The following SEL1L variants were observed in gnomAD, a reference collection of about 807,000 sequenced individuals.
SEL1L encodes the protein SEL1L adaptor subunit of SYVN1 ubiquitin ligase.
In SEL1L, 52 loss-of-function variants were observed where a neutral mutation model predicts 109.8. That is an observed-to-expected ratio of 0.47 (90% CI 0.38 to 0.60). SEL1L has a LOEUF of 0.60. Among genes scored for constraint, SEL1L ranks in the 20% least tolerant of loss-of-function variants. The pLI is 0.00. For synonymous variants in SEL1L, 373 were observed against 339.6 expected, an observed-to-expected ratio of 1.10 and a Z score of -1.08; for missense variants, 749 against 962.2, an observed-to-expected ratio of 0.78 and a Z score of 2.93.
intron 4 of SEL1L, 152 bp downstream of exon 4, chr14:81,505,922 C>A (rs539777205): frequency 1.6e-4 from 96 of 613,296 alleles, no homozygotes; most frequent in South Asian, 1.0e-3. Context: ...CCAAGTTTCC[C>A]ACTCTTAAGT....
intron 3 of SEL1L, among the ~76,000 whole-genome samples, chr14:81,523,772 G>C (rs1355279235): frequency 6.6e-6 from 1 of 151,836 alleles, no homozygotes; most frequent in Admixed American, 6.6e-5. Flanking sequence ...ACATCCTGCT[G>C]GTCTCTGATG....
At chr14:81,510,514 C>CTA (rs1555346599) in intron 3 of SEL1L, among the ~76,000 whole-genome samples, 1,277 of 103,880 alleles carry the variant, frequency 0.012, 16 homozygotes, top group Middle Eastern at 0.03. Context: ...CTCTCTCTCT[C>CTA]TATATATATA....
intron 3 of SEL1L, among the ~76,000 whole-genome samples, chr14:81,516,315 A>C (rs59864626): frequency 1.4e-3 from 210 of 152,292 alleles, no homozygotes; most frequent in African/African-American, 4.9e-3. Flanking sequence ...AACTGTCCTC[A>C]AGGACCGTTA....
chr14:81,526,122 A>C (rs1885102677), intron 3 of SEL1L, among the ~76,000 whole-genome samples: 1 of 152,204 alleles, frequency 6.6e-6, no homozygotes, highest in Non-Finnish European at 1.5e-5. Context: ...AATAAATGAC[A>C]GAAGGGCAAC....
chr14:81,482,722 G>C (rs1004807830), intron 19 of SEL1L, among the ~76,000 whole-genome samples: 5 of 152,086 alleles, frequency 3.3e-5, no homozygotes, highest in Non-Finnish European at 7.3e-5. Context: ...AAGTATTAAG[G>C]TAAGTTTAAA....
chr14:81,472,135 A>T lies in SEL1L; in HGVS notation c.*4837T>A, dbSNP rs1903029355. On this transcript the variant is annotated 3_prime_UTR_variant, in exon 21 of 21. Transcript: ENST00000336735. ...AAGTTGCAGCCAATGAAGATGGAGG[A>T]CATTCTAATGACTTGCCAGAAAGAG... The T allele has an allele frequency of 6.5e-6, 1 of 153,764 alleles. No homozygotes were observed. The highest frequency in any genetic ancestry group is 1.4e-5 in the Non-Finnish European group (1 of 69,056). 9.5% of individuals were successfully genotyped at this position (153,764 alleles called of 1,614,324 possible).
chr14:81,506,017 A>G, intron 4 of SEL1L, 57 bp downstream of exon 4: 1 of 1,534,932 alleles, frequency 6.5e-7, no homozygotes, highest in Non-Finnish European at 8.8e-7. Context: ...AAGGCCTTAA[A>G]AACATTGCCC....
chr14:81,510,056 C>A (rs1007296342), intron 3 of SEL1L, among the ~76,000 whole-genome samples: 2 of 152,172 alleles, frequency 1.3e-5, no homozygotes, highest in Non-Finnish European at 2.9e-5. Context: ...AAGGCTGAGT[C>A]CTGAGGCAAG....
Position 81,507,752 on chromosome 14 carries a change from C to G in SEL1L, c.341-1511G>C, listed in dbSNP as rs138477411. On this transcript the variant is annotated intron_variant, in intron 3 of 20. Coordinates refer to ENST00000336735, the MANE Select transcript of SEL1L (RefSeq NM_005065.6). ...GCTGCATGAGAGGTATATGAGAAGACCAGAGGTCCAGGACTAAGCCTAAAA... is the reference window on the plus strand; with the variant it reads ...GCTGCATGAGAGGTATATGAGAAGAGCAGAGGTCCAGGACTAAGCCTAAAA... 2.2e-3 allele frequency among the ~76,000 whole-genome samples: 328 copies of G among 151,756 alleles called. 1 individual carries two copies. The highest frequency in any genetic ancestry group is 7.6e-3 in the African/African-American group (316 of 41,320).
intron 6 of SEL1L, 106 bp from the exon 7 acceptor site, chr14:81,499,768 T>A: frequency 1.3e-6 from 1 of 757,966 alleles, no homozygotes; most frequent in Non-Finnish European, 2.0e-6. Context: ...CAAGAGTCTT[T>A]AAATGCTAAA....
intron 13 of SEL1L, among the ~76,000 whole-genome samples, chr14:81,489,689 G>C (rs1883467318): frequency 6.6e-6 from 1 of 152,180 alleles, no homozygotes. Context: ...AATAAAGAGG[G>C]AGGATATCAT....
At position 81,502,790 on chromosome 14, in the gene SEL1L, T is replaced by C. The variant is rs761440418; in HGVS notation, c.708A>G (p.Pro236=). 2 of 1,614,062 alleles carry C rather than the reference T, an allele frequency of 1.2e-6. No homozygotes were observed. Among genetic ancestry groups the C allele is most frequent in the African/African-American group, 2.7e-5 (2 of 74,928 alleles). The stretch of plus-strand genomic sequence containing the variant: ...TCTCTCTCGCTGCCTGGATATTCTG[T>C]GGCAAGTAATCACCAAATAAAAGAG... ...SYALLFGDYL[P]QNIQAAREMF... The change falls in exon 6 of 21, where the codon CCA becomes CCG. Residue 236 remains proline (P), a synonymous_variant. Transcript: ENST00000336735.
chr14:81,480,996 GGGGT>G (rs1339307501), intron 19 of SEL1L, among the ~76,000 whole-genome samples: 1 of 152,004 alleles, frequency 6.6e-6, no homozygotes, highest in Non-Finnish European at 1.5e-5. Flanking sequence ...GCATTGCCCT[GGGGT>G]GTAGAAACCT....
intron 6 of SEL1L, 41 bp from the exon 7 acceptor site, chr14:81,499,703 A>T (rs1320165287): frequency 1.3e-6 from 2 of 1,537,676 alleles, no homozygotes; most frequent in Admixed American, 1.9e-5. Context: ...GCTTTGGTGA[A>T]GGTTTATCCA....
In SEL1L at chr14:81,473,009, C is replaced by T. The variant is rs1903052683; in HGVS notation, c.*3963G>A. 6.5e-6 allele frequency: 1 copy of T among 154,786 alleles called. No homozygotes were observed. Among genetic ancestry groups the T allele is most frequent in the African/African-American group, 2.4e-5 (1 of 41,450 alleles). The allele number at this position is 154,786 out of a possible 1,614,324, so 9.6% of individuals were successfully genotyped here. On this transcript the variant is annotated 3_prime_UTR_variant, in exon 21 of 21. Transcript: ENST00000336735. ...TCTCTATTAACAGGATTTGTTTACA[C>T]AATTATATTACACTTCACCAACCTT...
chr14:81,504,351 T>A (rs1884143714), intron 4 of SEL1L, 45 bp from the exon 5 acceptor site: 1 of 1,340,654 alleles, frequency 7.5e-7, no homozygotes, highest in African/African-American at 1.5e-5. Flanking sequence ...TTTAATTCTA[T>A]CAATTATCAA....
intron 12 of SEL1L, among the ~76,000 whole-genome samples, chr14:81,491,254 C>G (rs1336674880): frequency 6.6e-6 from 1 of 152,062 alleles, no homozygotes; most frequent in Non-Finnish European, 1.5e-5. Flanking sequence ...AACGAAGTAA[C>G]TAAAAGGTTT....
chr14:81,514,936 G>A (rs185222018), intron 3 of SEL1L, among the ~76,000 whole-genome samples: 5 of 152,298 alleles, frequency 3.3e-5, no homozygotes, highest in Admixed American at 2.6e-4. Context: ...CTGTAAGAGG[G>A]AAGGCAAATG....
At chr14:81,487,247 G>T (rs147112745) in intron 16 of SEL1L, 143 bp downstream of exon 16, 649 of 651,512 alleles carry the variant, frequency 1.0e-3, no homozygotes, top group Non-Finnish European at 1.5e-3. Flanking sequence ...CAGACCCCTC[G>T]GTCTTCCCTC....
Sources: gnomAD v4.1 joint callset for allele counts (sites outside exome capture counted in the v4.1 genomes callset) on GRCh38, gnomAD v4.1.1 for gene constraint, MANE v1.5 for transcripts, NCBI Gene and HGNC (gene_info 2026-07-23, HGNC 2026-07-21) for gene names.